DOCK8: variants seen among roughly 807,000 people sequenced by gnomAD.
The protein encoded by DOCK8 is dedicator of cytokinesis 8.
In DOCK8, 141 loss-of-function variants were observed where a neutral mutation model predicts 245.6. The ratio of observed to expected loss-of-function variants is 0.57; its 90% CI spans 0.50 to 0.66. DOCK8 has a LOEUF of 0.66. Among genes scored for constraint, DOCK8 ranks in the 30% least tolerant of loss-of-function variants. The probability of loss-of-function intolerance (pLI) is 0.00; values close to 1 mark genes in which losing one functional copy is unlikely to be tolerated. For missense variants in DOCK8, 2,965 were observed against 2,603.4 expected, an observed-to-expected ratio of 1.14 and a Z score of -3.02; for synonymous variants, 1,168 against 970.2, an observed-to-expected ratio of 1.20 and a Z score of -3.79.
At chr9:318,796 C>T (rs1348095166) in intron 7 of DOCK8, among the ~76,000 whole-genome samples, 1 of 152,182 alleles carries the variant, frequency 6.6e-6, no homozygotes, top group Non-Finnish European at 1.5e-5. Flanking sequence ...AGGAAGCCTT[C>T]GCTATTGTCT....
intron 14 of DOCK8, chr9:366,532 G>A (rs1166403246): frequency 6.6e-6 from 1 of 152,120 alleles, no homozygotes; most frequent in Non-Finnish European, 1.5e-5. Flanking sequence ...TCCTTGATGT[G>A]GGATGTTCTT....
intron 5 of DOCK8, among the ~76,000 whole-genome samples, chr9:308,557 C>T (rs527921322): frequency 3.3e-5 from 5 of 152,280 alleles, no homozygotes; most frequent in East Asian, 1.9e-4. Context: ...CCTTGGTACA[C>T]GTAGATTTTA....
intron 14 of DOCK8, among the ~76,000 whole-genome samples, chr9:344,870 G>A (rs548740549): frequency 9.2e-5 from 14 of 152,090 alleles, no homozygotes; most frequent in Admixed American, 2.6e-4. Flanking sequence ...TGGCCAACAC[G>A]GTGACCCCTT....
At chr9:459,171 T>C (rs1327628286) in intron 46 of DOCK8, among the ~76,000 whole-genome samples, 1 of 152,164 alleles carries the variant, frequency 6.6e-6, no homozygotes, top group African/African-American at 2.4e-5. Flanking sequence ...ATAAGACCAT[T>C]TTTGAAAAGT....
intron 4 of DOCK8, among the ~76,000 whole-genome samples, chr9:301,076 C>T (rs952654917): frequency 6.6e-6 from 1 of 152,112 alleles, no homozygotes; most frequent in Non-Finnish European, 1.5e-5. Context: ...TGATGAACAT[C>T]GACACAAAAA....
intron 29 of DOCK8, among the ~76,000 whole-genome samples, chr9:416,059 A>C (rs961613040): frequency 6.6e-6 from 1 of 152,338 alleles, no homozygotes; most frequent in East Asian, 1.9e-4. Context: ...CTTGAAAAAA[A>C]TCCTCTAGCA....
intron 38 of DOCK8, 141 bp downstream of exon 38, chr9:434,116 A>G: frequency 2.9e-6 from 2 of 690,636 alleles, no homozygotes; most frequent in Non-Finnish European, 5.2e-6. Context: ...GAAATTAAAC[A>G]TTCAGAGTAG....
intron 4 of DOCK8, among the ~76,000 whole-genome samples, chr9:295,035 C>T (rs1159776496): frequency 6.6e-6 from 1 of 152,086 alleles, no homozygotes; most frequent in Non-Finnish European, 1.5e-5. Flanking sequence ...TGGCACGTGC[C>T]TGTAGTCCCA....
At chr9:217,784 A>T (rs964610483) in intron 1 of DOCK8, among the ~76,000 whole-genome samples, 1 of 152,204 alleles carries the variant, frequency 6.6e-6, no homozygotes, top group Non-Finnish European at 1.5e-5. Flanking sequence ...AGCCTATCAA[A>T]CTCATGAAGT....
At chr9:445,557 T>A (rs1415515826) in intron 43 of DOCK8, among the ~76,000 whole-genome samples, 1 of 152,254 alleles carries the variant, frequency 6.6e-6, no homozygotes, top group African/African-American at 2.4e-5. Context: ...GACAAACACA[T>A]GTGACTACCT....
chr9:340,592 G>C, intron 14 of DOCK8: 1 of 355,514 alleles, frequency 2.8e-6, no homozygotes, highest in South Asian at 3.0e-5. Flanking sequence ...CTGCACTCCA[G>C]CCTGGGAGAC....
chr9:400,042 A>ACCT (rs1285843192), intron 26 of DOCK8, among the ~76,000 whole-genome samples: 1 of 105,636 alleles, frequency 9.5e-6, no homozygotes, highest in Non-Finnish European at 1.9e-5. Context: ...CACCACCACC[A>ACCT]CCTCCACCAT....
intron 14 of DOCK8, among the ~76,000 whole-genome samples, chr9:343,587 A>G (rs1417317173): frequency 6.6e-6 from 1 of 152,170 alleles, no homozygotes; most frequent in East Asian, 1.9e-4. Flanking sequence ...CAGGAGGTAT[A>G]CACTTATTTC....
At chr9:226,272 C>G (rs935122426) in intron 1 of DOCK8, among the ~76,000 whole-genome samples, 37 of 152,106 alleles carry the variant, frequency 2.4e-4, no homozygotes, top group African/African-American at 8.4e-4. Flanking sequence ...GACTTATTCA[C>G]TATCATGAGA....
At chr9:428,223 G>C in intron 34 of DOCK8, 139 bp from the exon 35 acceptor site, 1 of 1,287,004 alleles carries the variant, frequency 7.8e-7, no homozygotes. Flanking sequence ...GTTAATGGAT[G>C]ATACCCATGG....
At chr9:327,906 T>C in intron 8 of DOCK8, 116 bp from the exon 9 acceptor site, 1 of 946,266 alleles carries the variant, frequency 1.1e-6, no homozygotes, top group Non-Finnish European at 1.7e-6. Context: ...CATCTGTGAT[T>C]ATTACACTTA....
At chr9:259,724 CT>C (rs2047870206) in intron 1 of DOCK8, among the ~76,000 whole-genome samples, 1 of 152,170 alleles carries the variant, frequency 6.6e-6, no homozygotes, top group Non-Finnish European at 1.5e-5. Flanking sequence ...TCAGTAAGTT[CT>C]TCTTAATGGC....
chr9:333,884 T>G (rs2051174354), intron 10 of DOCK8, among the ~76,000 whole-genome samples: 1 of 152,170 alleles, frequency 6.6e-6, no homozygotes, highest in African/African-American at 2.4e-5. Flanking sequence ...ATTTCAAGAT[T>G]CTTTTATGCA....
At chr9:405,961 TC>T (rs1360547759) in intron 27 of DOCK8, among the ~76,000 whole-genome samples, 1 of 152,186 alleles carries the variant, frequency 6.6e-6, no homozygotes, top group African/African-American at 2.4e-5. Context: ...CTAGGTTCTT[TC>T]CCACCTTCCC....
Sources: gnomAD v4.1 joint callset for allele counts (sites outside exome capture counted in the v4.1 genomes callset) on GRCh38, gnomAD v4.1.1 for gene constraint, MANE v1.5 for transcripts, NCBI Gene and HGNC (gene_info 2026-07-23, HGNC 2026-07-21) for gene names.